Variants in ADAMTSL1 observed in about 807,000 individuals in gnomAD.
ADAMTSL1 encodes ADAMTS like 1, also known as ADAMTS-like protein 1.
Under a neutral mutation model 201.8 loss-of-function variants are expected in ADAMTSL1, and 126 were observed. The ratio of observed to expected loss-of-function variants is 0.62; its 90% CI spans 0.54 to 0.72. ADAMTSL1 has a LOEUF of 0.72. ADAMTSL1 is among the 30% of genes least tolerant of loss of function. The pLI, the probability that ADAMTSL1 is intolerant of heterozygous loss-of-function variation, is 0.00. For synonymous variants in ADAMTSL1, 1,121 were observed against 903.4 expected (o/e 1.24, Z -4.32); for missense variants, 2,679 against 2,277.8 (o/e 1.18, Z -3.59).
At chr9:17,967,130 C>A (rs1348551855) in intron 1 of ADAMTSL1, among the ~76,000 whole-genome samples, 2 of 151,914 alleles carry the variant, frequency 1.3e-5, no homozygotes, top group Non-Finnish European at 2.9e-5. Context: ...TTATTGCTGC[C>A]AGTTTGATCA....
At chr9:18,799,370 C>T (rs1369663884) in intron 20 of ADAMTSL1, among the ~76,000 whole-genome samples, 2 of 152,140 alleles carry the variant, frequency 1.3e-5, no homozygotes, top group East Asian at 3.9e-4. Flanking sequence ...CAGCACTCAG[C>T]CATCTTGCTC....
chr9:18,473,212 A>G (rs146479024), upstream of ADAMTSL1, among the ~76,000 whole-genome samples: 279 of 152,284 alleles, frequency 1.8e-3, 1 homozygote, highest in African/African-American at 6.4e-3. Flanking sequence ...AGGAAGCTGA[A>G]ACTTGGTTAA....
rs578104180 is a variant in ADAMTSL1 at position 18,889,686 on chromosome 9, C to A, written c.4581C>A (p.Cys1527Ter). The A allele has an allele frequency of 6.3e-7, 1 of 1,593,262 alleles. No individual in the cohort carries two copies. Among genetic ancestry groups the A allele is most frequent in the South Asian group, 1.1e-5 (1 of 88,984 alleles). ...LNSTEVNPAH[C>*]AGKVRPAVQP... ...GCACGGAGGTCAACCCTGCCCACTGCGCAGGGAAGGTTCGCCCTGCGGTGC... is the reference window on the plus strand; with the variant it reads ...GCACGGAGGTCAACCCTGCCCACTGAGCAGGGAAGGTTCGCCCTGCGGTGC... Residue 1527 changes from cysteine to a stop codon, truncating the protein, a stop_gained, in exon 25 of 29, where the codon TGC becomes TGA. Coordinates refer to ENST00000380548, the MANE Select transcript of ADAMTSL1 (RefSeq NM_001040272.6). LOFTEE classifies it high-confidence loss of function.
At chr9:17,997,148 A>C (rs574826581) in intron 1 of ADAMTSL1, among the ~76,000 whole-genome samples, 52 of 152,226 alleles carry the variant, frequency 3.4e-4, no homozygotes, top group Admixed American at 2.7e-3. Flanking sequence ...GCTCTATCCC[A>C]GTTTGGAGCC....
At chr9:18,230,669 T>C (rs1319787853) in intron 2 of ADAMTSL1, among the ~76,000 whole-genome samples, 1 of 152,186 alleles carries the variant, frequency 6.6e-6, no homozygotes, top group Non-Finnish European at 1.5e-5. Flanking sequence ...ATATCAAATG[T>C]TATCTGTAGA....
At chr9:18,452,715 C>A (rs1424223472) in intron 2 of ADAMTSL1, among the ~76,000 whole-genome samples, 1 of 152,154 alleles carries the variant, frequency 6.6e-6, no homozygotes, top group East Asian at 1.9e-4. Flanking sequence ...GTCTGAAACC[C>A]AACAGGGAAG....
At chr9:18,083,726 A>G (rs761351802) in intron 1 of ADAMTSL1, among the ~76,000 whole-genome samples, 8 of 152,244 alleles carry the variant, frequency 5.3e-5, no homozygotes, top group Non-Finnish European at 7.3e-5. Flanking sequence ...AACCTCGTCC[A>G]TAAGACGTAC....
intron 4 of ADAMTSL1, among the ~76,000 whole-genome samples, chr9:18,586,794 C>T (rs997157900): frequency 6.6e-6 from 1 of 152,106 alleles, no homozygotes; most frequent in African/African-American, 2.4e-5. Flanking sequence ...TAAGGCCACA[C>T]ACCTATGACC....
chr9:18,718,241 C>T (rs893936650), intron 14 of ADAMTSL1: 2 of 760,794 alleles, frequency 2.6e-6, no homozygotes, highest in African/African-American at 1.7e-5. Context: ...TCTGTTCTCT[C>T]AAGTCTTGCA....
intron 2 of ADAMTSL1, among the ~76,000 whole-genome samples, chr9:18,351,374 T>G (rs16936614): frequency 0.016 from 2,467 of 152,202 alleles, 65 homozygotes; most frequent in African/African-American, 0.056. Context: ...AAAGTTTTAA[T>G]GATTTACTTG....
chr9:17,981,788 C>G (rs1021075401), intron 1 of ADAMTSL1, among the ~76,000 whole-genome samples: 1 of 152,142 alleles, frequency 6.6e-6, no homozygotes, highest in African/African-American at 2.4e-5. Context: ...TACCCCAGGA[C>G]ATCTTTCTCT....
intron 19 of ADAMTSL1, among the ~76,000 whole-genome samples, chr9:18,783,855 T>C (rs1821545698): frequency 6.6e-6 from 1 of 152,212 alleles, no homozygotes; most frequent in African/African-American, 2.4e-5. Flanking sequence ...TCTGTCCCTT[T>C]ACAGAGAAGT....
chr9:18,835,770 T>C (rs1825273910), intron 23 of ADAMTSL1, among the ~76,000 whole-genome samples: 1 of 152,160 alleles, frequency 6.6e-6, no homozygotes, highest in Non-Finnish European at 1.5e-5. Context: ...TGGTTTTCTG[T>C]TCCTGCATTA....
chr9:18,899,350 A>T (rs572305526), intron 26 of ADAMTSL1, among the ~76,000 whole-genome samples: 8 of 152,256 alleles, frequency 5.3e-5, no homozygotes, highest in African/African-American at 1.9e-4. Context: ...AAAAATCAGT[A>T]TCATGAAAAT....
intron 4 of ADAMTSL1, among the ~76,000 whole-genome samples, chr9:18,615,658 C>A (rs1825657925): frequency 6.6e-6 from 1 of 152,180 alleles, no homozygotes; most frequent in African/African-American, 2.4e-5. Context: ...GTGTTATAAT[C>A]TGAACTTGAA....
chr9:18,110,152 G>A lies in ADAMTSL1; in HGVS notation c.88-53710G>A, dbSNP rs1824941581. Among the ~76,000 whole-genome samples, 4 of 152,058 alleles carry A rather than the reference G, an allele frequency of 2.6e-5. No homozygotes were observed. The South Asian group carries it at 8.3e-4, about 32-fold the overall frequency. The stretch of plus-strand genomic sequence containing the variant: ...TCAGTTACTCAGTTTTCCTCTAATT[G>A]CATTCTCTTGGGTGCCTGAGGGCTC... On this transcript the variant is annotated intron_variant, in intron 1 of 29. Coordinates refer to the ADAMTSL1 transcript ENST00000680146.
intron 6 of ADAMTSL1, among the ~76,000 whole-genome samples, chr9:18,638,406 T>G (rs905146107): frequency 3.9e-5 from 6 of 152,110 alleles, no homozygotes; most frequent in African/African-American, 1.4e-4. Flanking sequence ...TTGGAACCCA[T>G]TAGCCTTAGT....
intron 1 of ADAMTSL1, among the ~76,000 whole-genome samples, chr9:18,115,804 C>T (rs2131897410): frequency 6.6e-6 from 1 of 152,262 alleles, no homozygotes; most frequent in South Asian, 2.1e-4. Flanking sequence ...TAGCCCGGTA[C>T]TGATCTGGGA....
At chr9:18,889,821 C>T in intron 25 of ADAMTSL1, 73 bp downstream of exon 25, 1 of 1,369,290 alleles carries the variant, frequency 7.3e-7, no homozygotes, top group African/African-American at 1.5e-5. Context: ...AGTCAGTGGC[C>T]AGCCCTTCAG....
Sources: gnomAD v4.1 joint callset for allele counts (sites outside exome capture counted in the v4.1 genomes callset) on GRCh38, gnomAD v4.1.1 for gene constraint, MANE v1.5 for transcripts, NCBI Gene and HGNC (gene_info 2026-07-23, HGNC 2026-07-21) for gene names.